C10orf90: variants seen among roughly 807,000 people sequenced by gnomAD.
The protein encoded by C10orf90 is (E2-independent) E3 ubiquitin-conjugating enzyme FATS.
In C10orf90, 56 loss-of-function variants were observed where a neutral mutation model predicts 62.5. The observed-to-expected ratio is 0.90, with a 90% CI of 0.72 to 1.12. C10orf90 has a LOEUF of 1.12. Ranked by LOEUF, C10orf90 falls within the 50% of genes most tolerant of loss-of-function variation. The pLI, the probability that C10orf90 is intolerant of heterozygous loss-of-function variation, is 0.00. For synonymous variants in C10orf90, 386 were observed against 340.4 expected (o/e 1.13, Z -1.47); for missense variants, 970 against 880.4 (o/e 1.10, Z -1.29).
chr10:126,540,797 G>A (rs941085543), intron 2 of C10orf90, among the ~76,000 whole-genome samples: 1 of 152,160 alleles, frequency 6.6e-6, no homozygotes, highest in African/African-American at 2.4e-5. Context: ...AGCACAGGAA[G>A]AGATGGATAG....
At chr10:126,461,082 C>G (rs545131203) in intron 6 of C10orf90, among the ~76,000 whole-genome samples, 1 of 152,102 alleles carries the variant, frequency 6.6e-6, no homozygotes, top group Admixed American at 6.5e-5. Context: ...CTCCTGGGAG[C>G]CTTGCATGGA....
chr10:126,528,240 G>A (rs781395350), intron 2 of C10orf90, among the ~76,000 whole-genome samples: 10 of 152,020 alleles, frequency 6.6e-5, no homozygotes, highest in Non-Finnish European at 1.3e-4. Context: ...AAGAAGGAGC[G>A]AACACCAGAT....
intron 2 of C10orf90, among the ~76,000 whole-genome samples, chr10:126,599,314 T>C (rs966818707): frequency 1.3e-5 from 2 of 151,618 alleles, no homozygotes; most frequent in East Asian, 3.9e-4. Flanking sequence ...GCCTTCCGAG[T>C]AGCTGGGACT....
intron 2 of C10orf90, among the ~76,000 whole-genome samples, chr10:126,526,279 C>G (rs574771116): frequency 2.0e-5 from 3 of 149,380 alleles, no homozygotes; most frequent in South Asian, 4.3e-4. Context: ...CAGTCTCACT[C>G]TGTCGTTCAG....
chr10:126,546,896 A>C (rs894668019), intron 2 of C10orf90, among the ~76,000 whole-genome samples: 1 of 152,144 alleles, frequency 6.6e-6, no homozygotes, highest in African/African-American at 2.4e-5. Context: ...AGGCCAAGGC[A>C]GGTGGATCAC....
chr10:126,513,499 C>G (rs1863255994), intron 3 of C10orf90, among the ~76,000 whole-genome samples: 1 of 152,122 alleles, frequency 6.6e-6, no homozygotes. Context: ...ACACTTTTTG[C>G]AGTTCTAACA....
intron 2 of C10orf90, among the ~76,000 whole-genome samples, chr10:126,599,506 G>A (rs140548817): frequency 6.0e-4 from 91 of 151,878 alleles, no homozygotes; most frequent in African/African-American, 1.5e-3. Flanking sequence ...ATCAGCTCCA[G>A]GAGCCATTCA....
intron 2 of C10orf90, among the ~76,000 whole-genome samples, chr10:126,581,423 C>T (rs1844749771): frequency 6.6e-6 from 1 of 152,182 alleles, no homozygotes. Context: ...ACGTGGACTG[C>T]ATGCTGGCTG....
At chr10:126,590,020 A>C (rs986868757) in intron 2 of C10orf90, among the ~76,000 whole-genome samples, 2 of 152,204 alleles carry the variant, frequency 1.3e-5, no homozygotes, top group African/African-American at 4.8e-5. Flanking sequence ...AAAATGGAAA[A>C]CAGAAAAAAG....
rs1554886162 is a variant in C10orf90 at position 126,442,481 on chromosome 10, A to ATATATATATATATATATATATC, written c.2189-12632_2189-12631insGATATATATATATATATATATA. On this transcript the variant is annotated intron_variant, in intron 7 of 9. Transcript: ENST00000488181. ...ATAGTAGGGAACTTCAATATTTCAT[A>ATATATATATATATATATATATC]TATATATATATATATATATATATAT... Among the ~76,000 whole-genome samples the ATATATATATATATATATATATC allele has an allele frequency of 8.3e-3, 490 of 59,100 alleles. 39 individuals carry two copies. The highest frequency in any genetic ancestry group is 0.029 in the African/African-American group (466 of 16,302). 38.8% of individuals were successfully genotyped at this position (59,100 alleles called of 152,430 possible). A position where few individuals can be genotyped will look rare whatever the true frequency, so the allele number is the denominator to read the frequency against.
At position 126,660,153 on chromosome 10, in the gene C10orf90, C is replaced by T. The variant is rs115823547; in HGVS notation, c.240+10088G>A. On this transcript the variant is annotated intron_variant, in intron 1 of 9. Transcript: ENST00000488181. ...TTTTTAAGATTCCCCTTGGTGTACA[C>T]GCCCTACATGTTCCCCTGTCTTTGA... 4.9e-3 allele frequency among the ~76,000 whole-genome samples: 752 copies of T among 152,348 alleles called. 7 individuals carry two copies. The highest frequency in any genetic ancestry group is 0.017 in the African/African-American group (723 of 41,578).
intron 2 of C10orf90, among the ~76,000 whole-genome samples, chr10:126,626,044 G>A (rs554754243): frequency 5.3e-4 from 80 of 150,984 alleles, no homozygotes; most frequent in African/African-American, 1.9e-3. Context: ...CAGGAGAATT[G>A]CTTGAACCCA....
At chr10:126,602,141 A>G (rs1171286451) in intron 2 of C10orf90, among the ~76,000 whole-genome samples, 2 of 152,206 alleles carry the variant, frequency 1.3e-5, no homozygotes, top group South Asian at 2.1e-4. Context: ...TGTCCTCTCA[A>G]TTGCTGGTAT....
chr10:126,427,688 C>T (rs934979899), intron 8 of C10orf90, among the ~76,000 whole-genome samples: 4 of 152,326 alleles, frequency 2.6e-5, no homozygotes, highest in East Asian at 1.9e-4. Flanking sequence ...CCAGATTCTT[C>T]GGCCTCTGGA....
chr10:126,641,785 A>G (rs991483970), intron 2 of C10orf90, among the ~76,000 whole-genome samples: 1 of 152,158 alleles, frequency 6.6e-6, no homozygotes, highest in Non-Finnish European at 1.5e-5. Context: ...CCCTTCCTAC[A>G]TTTGTTTTCT....
rs76472931 is a variant in C10orf90, at chr10:126,648,911, C to T, written c.241-2274G>A. Among the ~76,000 whole-genome samples the T allele has an allele frequency of 3.0e-4, 45 of 152,304 alleles. No homozygotes were observed. The East Asian group carries it at 8.5e-3, about 29-fold the overall frequency. ...TATGACAACACAGAATTAATTTTCA[C>T]TTGAAAAGCTCCTGATGCACCACGT... On this transcript the variant is annotated intron_variant, in intron 1 of 9. Transcript: ENST00000488181.
intron 4 of C10orf90, among the ~76,000 whole-genome samples, chr10:126,503,237 G>C (rs957522993): frequency 6.6e-6 from 1 of 152,136 alleles, no homozygotes; most frequent in Non-Finnish European, 1.5e-5. Flanking sequence ...TCCCAAGAAA[G>C]GTGCAGAGTC....
At chr10:126,533,884 C>T (rs530745176) in intron 2 of C10orf90, among the ~76,000 whole-genome samples, 1 of 152,232 alleles carries the variant, frequency 6.6e-6, no homozygotes, top group Non-Finnish European at 1.5e-5. Context: ...GTTTGCTGAA[C>T]TGGGCTGAAT....
intron 4 of C10orf90, among the ~76,000 whole-genome samples, chr10:126,494,745 T>C (rs565733920): frequency 6.6e-6 from 1 of 152,374 alleles, no homozygotes; most frequent in South Asian, 2.1e-4. Context: ...GACCAGTTTA[T>C]ATACTTCTCA....
Sources: allele counts gnomAD v4.1 joint callset (sites outside exome capture counted in the v4.1 genomes callset), GRCh38; gene constraint gnomAD v4.1.1; transcripts MANE v1.5; gene names NCBI Gene and HGNC (gene_info 2026-07-23, HGNC 2026-07-21).